DMD: variants seen among roughly 807,000 people sequenced by gnomAD.
The protein encoded by DMD is mutant dystrophin.
A neutral mutation model predicts 330.1 loss-of-function variants in DMD; 63 were observed. The observed-to-expected ratio is 0.19, with a 90% CI of 0.16 to 0.24. The LOEUF (loss-of-function observed/expected upper bound fraction) is 0.24. DMD is among the 10% of genes least tolerant of loss of function. The probability of loss-of-function intolerance (pLI) is 1.00; values close to 1 mark genes in which losing one functional copy is unlikely to be tolerated. For synonymous variants in DMD, 1,223 were observed against 959.8 expected (o/e 1.27, Z -5.07); for missense variants, 3,344 against 2,684.1 (o/e 1.25, Z -5.43).
intron 37 of DMD, among the ~76,000 whole-genome samples, chrX:32,359,472 C>G (rs939301551): frequency 9.0e-6 from 1 of 111,177 alleles, no homozygotes; most frequent in Non-Finnish European, 1.9e-5. Flanking sequence ...GGTTACTCTT[C>G]CATGAAACTT....
At chrX:31,649,362 C>T (rs1603439252) in intron 54 of DMD, among the ~76,000 whole-genome samples, 1 of 111,416 alleles carries the variant, frequency 9.0e-6, no homozygotes, top group Non-Finnish European at 1.9e-5. Flanking sequence ...ATTTTCCACA[C>T]CAGTAAATCA....
intron 1 of DMD, among the ~76,000 whole-genome samples, chrX:33,121,485 G>A (rs1020514911): frequency 1.8e-5 from 2 of 111,397 alleles, no homozygotes; most frequent in African/African-American, 3.3e-5. Flanking sequence ...CGCCCACCTT[G>A]GCCTCTCAAA....
chrX:31,328,151 C>A (rs1255350338), intron 61 of DMD, among the ~76,000 whole-genome samples: 1 of 112,146 alleles, frequency 8.9e-6, no homozygotes, highest in Non-Finnish European at 1.9e-5. Flanking sequence ...TAAGTTGTCT[C>A]CAGTTTTTCA....
intron 55 of DMD, among the ~76,000 whole-genome samples, chrX:31,515,124 G>C (rs925628588): frequency 9.0e-6 from 1 of 111,552 alleles, no homozygotes. Flanking sequence ...GGAAGAATAG[G>C]AAAAGTTATG....
At chrX:32,991,609 G>A (rs779029424) in intron 2 of DMD, among the ~76,000 whole-genome samples, 1 of 111,468 alleles carries the variant, frequency 9.0e-6, no homozygotes, top group South Asian at 3.7e-4. Context: ...GACAGCACAA[G>A]TCTAGAATTT....
At chrX:32,438,650 C>T (rs911564946) in intron 28 of DMD, among the ~76,000 whole-genome samples, 1 of 111,674 alleles carries the variant, frequency 9.0e-6, no homozygotes, top group African/African-American at 3.3e-5. Context: ...TTTTCCTTGA[C>T]GTCCCCTAAC....
At position 32,852,904 on chromosome X, in the gene DMD, A is replaced by G. The variant is rs189445898; in HGVS notation, c.94-3084T>C. Among the ~76,000 whole-genome samples the G allele has an allele frequency of 6.4e-5, 7 of 108,791 alleles. No individual in the cohort carries two copies. The East Asian group carries it at 2.1e-3, about 32-fold the overall frequency. 94.5% of individuals were successfully genotyped at this position (108,791 alleles called of 115,157 possible). On this transcript the variant is annotated intron_variant, in intron 2 of 78. Coordinates refer to ENST00000357033, the MANE Select transcript of DMD (RefSeq NM_004006.3). ...GAGAGCACCAGATAGATTCATAAAG[A>G]TGCAACTTCAGGCCTTGGCTCCTAG... is the stretch of plus-strand genomic sequence containing the variant.
chrX:31,917,226 G>C (rs2094620585), intron 47 of DMD, among the ~76,000 whole-genome samples: 1 of 112,036 alleles, frequency 8.9e-6, no homozygotes, highest in South Asian at 3.7e-4. Context: ...TCCTGTTTCA[G>C]TAAGTCATCA....
At chrX:32,649,321 G>A (rs1170085704) in intron 9 of DMD, among the ~76,000 whole-genome samples, 1 of 109,411 alleles carries the variant, frequency 9.1e-6, no homozygotes, top group Non-Finnish European at 1.9e-5. Context: ...TTGGGAGGCT[G>A]AGGCAGGCGG....
intron 47 of DMD, among the ~76,000 whole-genome samples, chrX:31,895,524 A>G (rs865991840): frequency 3.6e-5 from 4 of 111,932 alleles, no homozygotes; most frequent in African/African-American, 1.3e-4. Flanking sequence ...TGGAATGTGG[A>G]AGAAAACAAT....
At position 33,009,388 on chromosome X, in the gene DMD, A is replaced by G. The variant is rs764073742; in HGVS notation, c.93+10751T>C. On this transcript the variant is annotated intron_variant, in intron 2 of 78. Coordinates refer to ENST00000357033, the MANE Select transcript of DMD (RefSeq NM_004006.3). ...TGTGTATATGTGTATATACACGTGT[A>G]TATATGTGTGTATATGTGTATATAC... Among the ~76,000 whole-genome samples, 11 of 75,884 alleles carry G rather than the reference A, an allele frequency of 1.4e-4. 3 individuals carry two copies. The highest frequency in any genetic ancestry group is 4.7e-4 in the Admixed American group (3 of 6,448). The allele number at this position is 75,884 out of a possible 115,157, so 65.9% of individuals were successfully genotyped here. A position where few individuals can be genotyped will look rare whatever the true frequency, so the allele number is the denominator to read the frequency against.
chrX:32,585,263 G>A (rs772134568), intron 13 of DMD, among the ~76,000 whole-genome samples: 47 of 111,712 alleles, frequency 4.2e-4, no homozygotes, highest in Non-Finnish European at 6.0e-4. Context: ...TCTAATGTTC[G>A]ATAGCAGAGT....
chrX:33,166,314 T>C (rs1383704128), intron 1 of DMD, among the ~76,000 whole-genome samples: 3 of 110,816 alleles, frequency 2.7e-5, no homozygotes, highest in East Asian at 2.8e-4. Flanking sequence ...TGAAATAAGA[T>C]ATATGAGAAG....
At chrX:32,996,322 AAAAT>A (rs1325047810) in intron 2 of DMD, among the ~76,000 whole-genome samples, 19 of 111,566 alleles carry the variant, frequency 1.7e-4, no homozygotes, top group African/African-American at 6.2e-4. Context: ...ACAAATTTTA[AAAAT>A]AAATATTTAT....
At chrX:33,015,785 T>A (rs1482545792) in intron 2 of DMD, among the ~76,000 whole-genome samples, 3 of 111,984 alleles carry the variant, frequency 2.7e-5, no homozygotes, top group African/African-American at 9.7e-5. Flanking sequence ...AAGAAGTATG[T>A]CATATCAATT....
In DMD at chrX:32,550,735, C is replaced by G. The variant is rs982166258; in HGVS notation, c.1993-5401G>C. Among the ~76,000 whole-genome samples, 5 of 109,200 alleles carry G rather than the reference C, an allele frequency of 4.6e-5. No individual in the cohort carries two copies. In the East Asian group the frequency reaches 1.4e-3, roughly 31 times the overall value. The allele number at this position is 109,200 out of a possible 115,157, so 94.8% of individuals were successfully genotyped here. A position where few individuals can be genotyped will look rare whatever the true frequency, so the allele number is the denominator to read the frequency against. ...AATTAATAATAAAGATAGACCACTA[C>G]CTAGAATAATAAAGAAAAAAAGAGA... On this transcript the variant is annotated intron_variant, in intron 16 of 78. Coordinates refer to ENST00000357033, the MANE Select transcript of DMD (RefSeq NM_004006.3).
intron 54 of DMD, among the ~76,000 whole-genome samples, chrX:31,633,003 G>C (rs962146957): frequency 3.6e-5 from 4 of 111,604 alleles, no homozygotes; most frequent in African/African-American, 1.3e-4. Flanking sequence ...GGTTTTATCT[G>C]TTTTTGGGCA....
intron 11 of DMD, among the ~76,000 whole-genome samples, chrX:32,636,822 C>A (rs887045910): frequency 9.1e-6 from 1 of 109,298 alleles, no homozygotes; most frequent in African/African-American, 3.3e-5. Flanking sequence ...CATGGTGAAA[C>A]CCCGTCTCTA....
chrX:33,305,604 C>CAAA (rs200621638), intron 1 of DMD, among the ~76,000 whole-genome samples: 1 of 84,331 alleles, frequency 1.2e-5, no homozygotes, highest in Non-Finnish European at 2.3e-5. Flanking sequence ...AATATAACTT[C>CAAA]AAAAAAAAAA....
Sources: allele counts gnomAD v4.1 joint callset (sites outside exome capture counted in the v4.1 genomes callset), GRCh38; gene constraint gnomAD v4.1.1; transcripts MANE v1.5; gene names NCBI Gene and HGNC (gene_info 2026-07-23, HGNC 2026-07-21).